PLEKHA5: variants seen among roughly 807,000 people sequenced by gnomAD.
The protein encoded by PLEKHA5 is pleckstrin homology domain containing A5.
In PLEKHA5, 55 loss-of-function variants were observed where a neutral mutation model predicts 181.9. The ratio of observed to expected loss-of-function variants is 0.30; its 90% CI spans 0.24 to 0.38. The LOEUF is 0.38. Among genes scored for constraint, PLEKHA5 ranks in the 10% least tolerant of loss-of-function variants. PLEKHA5 has a pLI of 1.00. For synonymous variants in PLEKHA5, 535 were observed against 529.4 expected, an observed-to-expected ratio of 1.01 and a Z score of -0.15; for missense variants, 1,432 against 1,549.5, an observed-to-expected ratio of 0.92 and a Z score of 1.27.
chr12:19,341,755 CAG>C (rs764721237), intron 21 of PLEKHA5, among the ~76,000 whole-genome samples: 3 of 151,668 alleles, frequency 2.0e-5, no homozygotes, highest in Non-Finnish European at 4.4e-5. Context: ...CCCCCTGTGA[CAG>C]AGTCTCACTC....
intron 3 of PLEKHA5, among the ~76,000 whole-genome samples, chr12:19,196,322 C>CTA (rs1377441899): frequency 9.2e-5 from 14 of 152,120 alleles, no homozygotes; most frequent in Admixed American, 8.5e-4. Context: ...GGTCTTTAGA[C>CTA]TGTAAAATCT....
Position 19,241,203 on chromosome 12 carries a change from ACT to A in PLEKHA5, c.228-12734_228-12733del, listed in dbSNP as rs374132695. 1.9e-3 allele frequency among the ~76,000 whole-genome samples: 295 copies of A among 152,216 alleles called. 1 individual carries two copies. Among genetic ancestry groups the A allele is most frequent in the African/African-American group, 6.8e-3 (281 of 41,532 alleles). On this transcript the variant is annotated intron_variant, in intron 3 of 31. Coordinates refer to ENST00000429027, the MANE Select transcript of PLEKHA5 (RefSeq NM_001256470.2). ...CAAGTTCAGCTGTTATATGGTGAGG[ACT>A]CTATTAGATCCAGCTAATATGCCTT...
At position 19,130,711 on chromosome 12, in the gene PLEKHA5, C is replaced by CG. The variant is rs1430644128; in HGVS notation, c.169+586dup. The CG allele has an allele frequency of 6.6e-6, 1 of 152,524 alleles. No homozygotes were observed. Among genetic ancestry groups the CG allele is most frequent in the Non-Finnish European group, 1.5e-5 (1 of 68,316 alleles). 9.4% of individuals were successfully genotyped at this position (152,524 alleles called of 1,614,324 possible). On this transcript the variant is annotated intron_variant, in intron 2 of 31. Coordinates refer to ENST00000429027, the MANE Select transcript of PLEKHA5 (RefSeq NM_001256470.2). The surrounding 1 kb of genome is among the most constrained non-coding windows in gnomAD (Gnocchi z 4.5). ...GAGGAGGAGGAGGAGGAGAGGAGTT[C>CG]GGGGGTGCTGCGATCCTCTCTGTGA...
intron 6 of PLEKHA5, among the ~76,000 whole-genome samples, chr12:19,258,477 A>G (rs975006917): frequency 6.6e-6 from 1 of 151,282 alleles, no homozygotes; most frequent in Non-Finnish European, 1.5e-5. Flanking sequence ...TTGAAAGATC[A>G]TTGACTATAT....
intron 3 of PLEKHA5, among the ~76,000 whole-genome samples, chr12:19,155,261 A>C (rs1301498961): frequency 1.3e-5 from 2 of 152,228 alleles, no homozygotes; most frequent in African/African-American, 2.4e-5. Flanking sequence ...GCAAGAAGCA[A>C]ATTCAGACAA....
chr12:19,238,665 A>C (rs899144176), intron 3 of PLEKHA5, among the ~76,000 whole-genome samples: 2 of 152,120 alleles, frequency 1.3e-5, no homozygotes, highest in African/African-American at 4.8e-5. Context: ...GATGAATTGG[A>C]ATATTCAGTA....
intron 26 of PLEKHA5, 117 bp downstream of exon 26, chr12:19,354,119 TAGTAATCTTA>T: frequency 2.6e-6 from 1 of 382,090 alleles, no homozygotes; most frequent in Non-Finnish European, 4.9e-6. Context: ...AAGAAAAACT[TAGTAATCTTA>T]GTTATTCTTT....
chr12:19,274,379 G>A (rs2073954422), intron 10 of PLEKHA5, 137 bp from the exon 11 acceptor site: 2 of 619,622 alleles, frequency 3.2e-6, no homozygotes, highest in Non-Finnish European at 2.8e-6. Flanking sequence ...GGGTATTTGT[G>A]TAGACTTGTC....
intron 12 of PLEKHA5, among the ~76,000 whole-genome samples, 166 bp downstream of exon 12, chr12:19,283,911 C>T (rs903854800): frequency 6.6e-6 from 1 of 152,166 alleles, no homozygotes; most frequent in South Asian, 2.1e-4. Context: ...ACATTAAGAT[C>T]TCATGTATAA....
intron 8 of PLEKHA5, among the ~76,000 whole-genome samples, chr12:19,267,962 A>C (rs1344557125): frequency 6.7e-6 from 1 of 150,336 alleles, no homozygotes; most frequent in Non-Finnish European, 1.5e-5. Flanking sequence ...CTCTGGCTCA[A>C]AAAAAAAAAA....
chr12:19,309,853 A>T (rs2085795371), intron 15 of PLEKHA5, among the ~76,000 whole-genome samples: 1 of 152,210 alleles, frequency 6.6e-6, no homozygotes, highest in African/African-American at 2.4e-5. Flanking sequence ...CAAAGTAGTT[A>T]GGCAACTGCT....
intron 3 of PLEKHA5, among the ~76,000 whole-genome samples, chr12:19,237,358 TA>T (rs1374263085): frequency 2.0e-5 from 3 of 152,118 alleles, no homozygotes; most frequent in Admixed American, 2.0e-4. Flanking sequence ...CTTTAAAACC[TA>T]AAGATTTTTA....
At chr12:19,359,699 C>T (rs1422117208) in intron 28 of PLEKHA5, among the ~76,000 whole-genome samples, 153 bp downstream of exon 28, 2 of 152,024 alleles carry the variant, frequency 1.3e-5, no homozygotes, top group Non-Finnish European at 2.9e-5. Context: ...CGCGGTGGCT[C>T]ACGTCTGTAA....
intron 27 of PLEKHA5, among the ~76,000 whole-genome samples, 188 bp from the exon 28 acceptor site, chr12:19,359,224 T>A (rs1201689691): frequency 6.6e-6 from 1 of 152,182 alleles, no homozygotes. Flanking sequence ...TGGTTTTTTT[T>A]AAAAGAGTTG....
Position 19,358,281 on chromosome 12 carries a change from A to G in PLEKHA5, c.3192A>G (p.Pro1064=). The change falls in exon 27 of 32, where the codon CCA becomes CCG. Residue 1064 remains proline, a synonymous_variant. Coordinates refer to ENST00000429027, the MANE Select transcript of PLEKHA5 (RefSeq NM_001256470.2). The part of the protein sequence containing the change: ...EQLCLAESTR[P]RMTVEEQMER... ...TCTGTTTGGCTGAAAGTACTCGACC[A>G]AGGATGACTGTGGAAGAGCAAATGG... The G allele has an allele frequency of 1.2e-6, 2 of 1,614,098 alleles. No homozygotes were observed. Among genetic ancestry groups the G allele is most frequent in the South Asian group, 1.1e-5 (1 of 91,086 alleles).
At chr12:19,161,258 C>G (rs1344762977) in intron 3 of PLEKHA5, among the ~76,000 whole-genome samples, 1 of 152,080 alleles carries the variant, frequency 6.6e-6, no homozygotes, top group Non-Finnish European at 1.5e-5. Flanking sequence ...ATGAAATGTG[C>G]CAATTGCCCT....
rs544833630 is a variant in PLEKHA5 at position 19,325,542 on chromosome 12, G to A, written c.2448+2875G>A. 1.1e-4 allele frequency among the ~76,000 whole-genome samples: 16 copies of A among 152,018 alleles called. No homozygotes were observed. In the South Asian group the frequency reaches 3.1e-3, roughly 30 times the overall value. On this transcript the variant is annotated intron_variant, in intron 20 of 31. Coordinates refer to ENST00000429027, the MANE Select transcript of PLEKHA5 (RefSeq NM_001256470.2). ...GCCTCTAATAAAAATACAAAAATTA[G>A]CCAGGTGTGGGGGCAGATGCCTGTA...
At chr12:19,358,612 A>T (rs1360420650) in intron 27 of PLEKHA5, among the ~76,000 whole-genome samples, 175 bp downstream of exon 27, 3 of 152,176 alleles carry the variant, frequency 2.0e-5, no homozygotes, top group African/African-American at 7.2e-5. Context: ...AATAACCCTG[A>T]GTTCAAGAGA....
chr12:19,226,920 T>C (rs1160620883), intron 3 of PLEKHA5, among the ~76,000 whole-genome samples: 1 of 150,552 alleles, frequency 6.6e-6, no homozygotes, highest in African/African-American at 2.4e-5. Context: ...TTATTTAGAA[T>C]TGGAGAATCT....
Sources: allele counts gnomAD v4.1 joint callset (sites outside exome capture counted in the v4.1 genomes callset), GRCh38; gene constraint gnomAD v4.1.1; non-coding constraint Gnocchi (gnomAD v3.1); transcripts MANE v1.5; gene names NCBI Gene and HGNC (gene_info 2026-07-23, HGNC 2026-07-21).